Variants in FGGY observed in about 807,000 individuals in gnomAD.
FGGY encodes FGGY carbohydrate kinase domain-containing protein.
Under a neutral mutation model 71.3 loss-of-function variants are expected in FGGY, and 72 were observed. The observed-to-expected ratio is 1.01, with a 90% CI of 0.84 to 1.23. The LOEUF (loss-of-function observed/expected upper bound fraction) is 1.23. FGGY is among the 50% of genes most tolerant of loss of function. FGGY has a pLI of 0.00. For synonymous variants in FGGY, 251 were observed against 250.3 expected (o/e 1.00, Z -0.02); for missense variants, 668 against 682.3 (o/e 0.98, Z 0.23).
At chr1:59,470,993 A>T (rs968170500) in intron 6 of FGGY, among the ~76,000 whole-genome samples, 4 of 152,202 alleles carry the variant, frequency 2.6e-5, no homozygotes, top group African/African-American at 9.6e-5. Context: ...AACTACAGGT[A>T]ATCCCAGCCT....
intron 1 of FGGY, among the ~76,000 whole-genome samples, chr1:59,319,160 A>C (rs1331232839): frequency 6.6e-6 from 1 of 152,222 alleles, no homozygotes; most frequent in Non-Finnish European, 1.5e-5. Flanking sequence ...ATACCAATTA[A>C]TTGTAACATA....
At chr1:59,486,716 C>G (rs1405739109) in intron 6 of FGGY, among the ~76,000 whole-genome samples, 2 of 152,152 alleles carry the variant, frequency 1.3e-5, no homozygotes, top group Non-Finnish European at 2.9e-5. Flanking sequence ...TATATGGAGT[C>G]TCTCCTAAGT....
intron 6 of FGGY, among the ~76,000 whole-genome samples, chr1:59,494,409 C>G (rs943014053): frequency 6.6e-6 from 1 of 151,972 alleles, no homozygotes; most frequent in Non-Finnish European, 1.5e-5. Flanking sequence ...AGGCCCAGGG[C>G]TGGGAATAAG....
intron 11 of FGGY, among the ~76,000 whole-genome samples, chr1:59,649,246 T>A (rs1386614655): frequency 6.9e-6 from 1 of 145,954 alleles, no homozygotes; most frequent in East Asian, 2.0e-4. Flanking sequence ...CTTTTTTGGT[T>A]CCATATGAAC....
At chr1:59,548,273 G>A (rs17119597) in intron 7 of FGGY, among the ~76,000 whole-genome samples, 12,583 of 152,220 alleles carry the variant, frequency 0.083, 778 homozygotes, top group South Asian at 0.28. Context: ...CAAATGCTTA[G>A]TGGCAAGGAC....
At chr1:59,308,723 C>T (rs563009271) in intron 1 of FGGY, among the ~76,000 whole-genome samples, 18 of 152,220 alleles carry the variant, frequency 1.2e-4, no homozygotes, top group South Asian at 2.1e-4. Context: ...CTAGAGACCA[C>T]GAATGGCCCT....
At chr1:59,488,185 G>T (rs1403137080) in intron 6 of FGGY, among the ~76,000 whole-genome samples, 1 of 152,010 alleles carries the variant, frequency 6.6e-6, no homozygotes, top group Non-Finnish European at 1.5e-5. Context: ...ATATTTTTAA[G>T]CCTTCTATTA....
intron 5 of FGGY, among the ~76,000 whole-genome samples, chr1:59,420,187 T>A (rs746680437): frequency 6.7e-6 from 1 of 149,778 alleles, no homozygotes; most frequent in Non-Finnish European, 1.5e-5. Flanking sequence ...GAACATCTCA[T>A]GTGTGTAGCT....
intron 5 of FGGY, among the ~76,000 whole-genome samples, chr1:59,414,147 A>C (rs2064006542): frequency 6.6e-6 from 1 of 152,250 alleles, no homozygotes; most frequent in Non-Finnish European, 1.5e-5. Context: ...TCAGGTTGAC[A>C]GCCTTTACCT....
chr1:59,433,323 A>T (rs773138563), intron 5 of FGGY, among the ~76,000 whole-genome samples: 2 of 152,194 alleles, frequency 1.3e-5, no homozygotes, highest in African/African-American at 2.4e-5. Flanking sequence ...AGAACCACTG[A>T]TTTAAATTAA....
chr1:59,608,996 C>G (rs932747343), intron 9 of FGGY, among the ~76,000 whole-genome samples: 10 of 152,082 alleles, frequency 6.6e-5, no homozygotes, highest in Admixed American at 3.9e-4. Context: ...AACAGAAGTA[C>G]ACGGTACAGA....
chr1:59,528,910 G>T (rs1249407583), intron 7 of FGGY, among the ~76,000 whole-genome samples: 1 of 152,098 alleles, frequency 6.6e-6, no homozygotes, highest in African/African-American at 2.4e-5. Flanking sequence ...CCAAATGCGT[G>T]GCCTAATAAT....
At chr1:59,359,667 T>G (rs968426454) in intron 4 of FGGY, among the ~76,000 whole-genome samples, 1 of 152,170 alleles carries the variant, frequency 6.6e-6, no homozygotes, top group African/African-American at 2.4e-5. Flanking sequence ...CTATAAAGGC[T>G]CCTGTCTCTC....
intron 11 of FGGY, among the ~76,000 whole-genome samples, chr1:59,643,034 C>CAA (rs965526400): frequency 1.9e-4 from 10 of 53,130 alleles, no homozygotes; most frequent in African/African-American, 4.9e-4. Flanking sequence ...GACTCCATCT[C>CAA]AAAAAAAAAA....
chr1:59,356,034 T>C (rs2054247955), intron 4 of FGGY, among the ~76,000 whole-genome samples: 2 of 152,132 alleles, frequency 1.3e-5, no homozygotes, highest in South Asian at 2.1e-4. Flanking sequence ...AACTTGGCAA[T>C]ACAGGGTCCA....
intron 4 of FGGY, among the ~76,000 whole-genome samples, chr1:59,378,183 A>C (rs28539879): frequency 0.1 from 15,381 of 152,170 alleles, 812 homozygotes; most frequent in African/African-American, 0.13. Context: ...GTCCCCACCC[A>C]AATTTCATCT....
intron 9 of FGGY, among the ~76,000 whole-genome samples, chr1:59,613,030 T>C (rs180922926): frequency 6.6e-6 from 1 of 152,118 alleles, no homozygotes; most frequent in Admixed American, 6.5e-5. Context: ...AGACTTAGAC[T>C]CCCACACAAT....
At chr1:59,466,337 C>A (rs1012064549) in intron 6 of FGGY, among the ~76,000 whole-genome samples, 2 of 151,886 alleles carry the variant, frequency 1.3e-5, no homozygotes, top group African/African-American at 2.4e-5. Flanking sequence ...TTCCTTATAC[C>A]TTATACAAAA....
At chr1:59,336,344 A>G (rs2049495215) in intron 2 of FGGY, among the ~76,000 whole-genome samples, 1 of 152,152 alleles carries the variant, frequency 6.6e-6, no homozygotes, top group Non-Finnish European at 1.5e-5. Context: ...TCCTTATACC[A>G]ATACCACATA....
Sources: gnomAD v4.1 joint callset for allele counts (sites outside exome capture counted in the v4.1 genomes callset) on GRCh38, gnomAD v4.1.1 for gene constraint, MANE v1.5 for transcripts, NCBI Gene and HGNC (gene_info 2026-07-23, HGNC 2026-07-21) for gene names.